The following COLGALT2 variants were observed in gnomAD, a reference collection of about 807,000 sequenced individuals.
COLGALT2 encodes the protein collagen beta(1-O)galactosyltransferase 2.
COLGALT2 carries 49 observed loss-of-function variants against 73.4 expected under a neutral mutation model. The observed-to-expected ratio is 0.67, with a 90% CI of 0.53 to 0.85. The LOEUF (loss-of-function observed/expected upper bound fraction) is 0.85. COLGALT2 is among the 40% of genes least tolerant of loss of function. COLGALT2 has a pLI of 0.00. For missense variants in COLGALT2, 722 were observed against 790.2 expected, an observed-to-expected ratio of 0.91 and a Z score of 1.03; for synonymous variants, 295 against 307.6, an observed-to-expected ratio of 0.96 and a Z score of 0.43.
intron 6 of COLGALT2, among the ~76,000 whole-genome samples, chr1:183,960,141 C>T (rs1480934108): frequency 6.6e-6 from 1 of 152,178 alleles, no homozygotes; most frequent in Non-Finnish European, 1.5e-5. Flanking sequence ...ATTATCTCTT[C>T]TAACACCTTC....
At chr1:183,940,940 T>TC (rs914469106) in intron 10 of COLGALT2, among the ~76,000 whole-genome samples, 153 bp from the exon 11 acceptor site, 26 of 152,320 alleles carry the variant, frequency 1.7e-4, no homozygotes, top group African/African-American at 6.3e-4. Context: ...GTGGATCCAA[T>TC]CGCCAGTCAG....
rs116893177 is a variant in COLGALT2, at chr1:183,959,462, T to C, written c.952+4439A>G. Among the ~76,000 whole-genome samples, 67 of 152,292 alleles carry C rather than the reference T, an allele frequency of 4.4e-4. No homozygotes were observed. In the East Asian group the frequency reaches 0.012, roughly 27 times the overall value. On this transcript the variant is annotated intron_variant, in intron 6 of 11. Coordinates refer to ENST00000361927, the MANE Select transcript of COLGALT2 (RefSeq NM_015101.4). ...CTTTCCCATCTCAGTAAATGGCATA[T>C]CAGGCTAAAATCTTGGACTCATCTT...
Position 184,037,129 on chromosome 1 carries a change from G to A in COLGALT2, c.229C>T (p.Arg77Trp). 1 of 1,597,378 alleles carries A rather than the reference G, an allele frequency of 6.3e-7. No individual in the cohort carries two copies. Among genetic ancestry groups the A allele is most frequent in the Non-Finnish European group, 8.5e-7 (1 of 1,174,028 alleles). The change falls in exon 1 of 12, where the codon CGG becomes TGG. Residue 77 changes from arginine to tryptophan, a missense_variant. Coordinates refer to ENST00000361927, the MANE Select transcript of COLGALT2 (RefSeq NM_015101.4). ...ATCCTGCTCTTGGGGTAGTCCAGCC[G>A]CTCCAGGCAGCCGAGGAAGTGCGGC... is the stretch of plus-strand genomic sequence containing the variant. ...TLPHFLGCLE[R>W]LDYPKSRMAI...
At chr1:183,986,238 G>A (rs1671486399) in intron 1 of COLGALT2, among the ~76,000 whole-genome samples, 1 of 152,182 alleles carries the variant, frequency 6.6e-6, no homozygotes, top group Admixed American at 6.5e-5. Flanking sequence ...ATGGATTGGG[G>A]GTCTGGGGAT....
rs768723437 is a variant in COLGALT2, at chr1:183,951,138, A to G, written c.1030-25T>C. 3.9e-6 allele frequency: 6 copies of G among 1,533,846 alleles called. No homozygotes were observed. In the South Asian group the frequency reaches 6.7e-5, roughly 17 times the overall value. ...TCTAATGCAAGAAGGAAAAGGGAAA[A>G]GACACATAAATTACTCAAGTCTTCT... On this transcript the variant is annotated intron_variant, in intron 7 of 11. Coordinates refer to ENST00000361927, the MANE Select transcript of COLGALT2 (RefSeq NM_015101.4).
chr1:184,017,043 A>T (rs1649023094), intron 1 of COLGALT2, among the ~76,000 whole-genome samples: 2 of 152,218 alleles, frequency 1.3e-5, no homozygotes, highest in Admixed American at 1.3e-4. Flanking sequence ...TTTCAAATGG[A>T]ACCGCCAAAC....
chr1:183,940,883 T>C, intron 10 of COLGALT2, 96 bp from the exon 11 acceptor site: 1 of 1,033,632 alleles, frequency 9.7e-7, no homozygotes, highest in South Asian at 1.3e-5. Flanking sequence ...ACCTCTGAAA[T>C]CCTGGACTGA....
At chr1:183,961,387 A>T (rs961733178) in intron 6 of COLGALT2, among the ~76,000 whole-genome samples, 1 of 96,194 alleles carries the variant, frequency 1.0e-5, no homozygotes, top group Admixed American at 1.1e-4. Flanking sequence ...GGAGAAAACA[A>T]GAGAACATAA....
chr1:183,936,099 C>T lies in COLGALT2; in HGVS notation c.*2662G>A, dbSNP rs1425429163. Reference sequence around the variant, plus strand: ...ACGGTTGTCTGTCCAGAAGATCCCACGTTAGATCCCAAGAGAAATCCAGAC... The same window carrying T: ...ACGGTTGTCTGTCCAGAAGATCCCATGTTAGATCCCAAGAGAAATCCAGAC... On this transcript the variant is annotated 3_prime_UTR_variant, in exon 12 of 12. Coordinates refer to ENST00000361927, the MANE Select transcript of COLGALT2 (RefSeq NM_015101.4). The T allele has an allele frequency of 1.5e-5, 15 of 985,508 alleles. No individual in the cohort carries two copies. The South Asian group carries it at 2.3e-4, about 15-fold the overall frequency. The allele number at this position is 985,508 out of a possible 1,614,324, so 61.0% of individuals were successfully genotyped here.
At chr1:184,005,267 C>T (rs1672041495) in intron 1 of COLGALT2, among the ~76,000 whole-genome samples, 2 of 152,230 alleles carry the variant, frequency 1.3e-5, no homozygotes, top group African/African-American at 4.8e-5. Flanking sequence ...CCTCAGAAAG[C>T]TTGGCTTTCT....
chr1:183,951,006 C>T lies in COLGALT2; in HGVS notation c.1136+1G>A. ...GCAATGGGAGAAGAAACCCAACTCA[C>T]TTTCCATCCACAGCCTCGACAATCT... is the stretch of plus-strand genomic sequence containing the variant. On this transcript the variant is annotated splice_donor_variant, in intron 8 of 11. Transcript: ENST00000361927. LOFTEE classifies it high-confidence loss of function. The T allele has an allele frequency of 6.2e-7, 1 of 1,610,528 alleles. No homozygotes were observed. Among genetic ancestry groups the T allele is most frequent in the South Asian group, 1.1e-5 (1 of 90,926 alleles).
intron 9 of COLGALT2, among the ~76,000 whole-genome samples, chr1:183,944,763 T>G (rs533466602): frequency 1.3e-5 from 2 of 152,334 alleles, no homozygotes; most frequent in Non-Finnish European, 1.5e-5. Context: ...TTGTTTGGTT[T>G]GTGAAATTTC....
In COLGALT2 at chr1:183,930,371, G is replaced by C. The variant is rs185904963; in HGVS notation, c.1605-82C>G. 3,412 of 444,266 alleles carry C rather than the reference G, an allele frequency of 7.7e-3. 68 individuals carry two copies. The highest frequency in any genetic ancestry group is 0.057 in the Admixed American group (2,260 of 39,876). The allele number at this position is 444,266 out of a possible 1,614,324, so 27.5% of individuals were successfully genotyped here. A position where few individuals can be genotyped will look rare whatever the true frequency, so the allele number is the denominator to read the frequency against. On this transcript the variant is annotated intron_variant, in intron 11 of 11. Transcript: ENST00000649786. ...AGAAAGAACAATTTAATTTTGTCTA[G>C]AACTAGCCTTGATCTTATTTTTTAA... is the stretch of plus-strand genomic sequence containing the variant.
chr1:183,973,421 T>C (rs1266328577), intron 4 of COLGALT2, among the ~76,000 whole-genome samples, 195 bp downstream of exon 4: 1 of 152,140 alleles, frequency 6.6e-6, no homozygotes, highest in Non-Finnish European at 1.5e-5. Context: ...TCATAATAAA[T>C]TAACACAGAA....
intron 2 of COLGALT2, among the ~76,000 whole-genome samples, chr1:183,977,839 A>AGAGAGAGAGAG (rs59696449): frequency 6.8e-6 from 1 of 147,154 alleles, no homozygotes; most frequent in African/African-American, 2.6e-5. Flanking sequence ...AGAGAGAAAG[A>AGAGAGAGAGAG]AGAGAAGAGA....
At chr1:183,986,068 C>T (rs1456492260) in intron 1 of COLGALT2, among the ~76,000 whole-genome samples, 1 of 152,170 alleles carries the variant, frequency 6.6e-6, no homozygotes, top group Non-Finnish European at 1.5e-5. Context: ...AGGAAAGCCT[C>T]CCCAGCAGCA....
At chr1:183,945,820 T>G in intron 8 of COLGALT2, 2 of 495,892 alleles carry the variant, frequency 4.0e-6, no homozygotes, top group Non-Finnish European at 7.1e-6. Context: ...ATCAGTTTTT[T>G]GACAAGATTT....
chr1:183,988,542 C>T (rs1014198172), intron 1 of COLGALT2, among the ~76,000 whole-genome samples: 1 of 152,182 alleles, frequency 6.6e-6, no homozygotes. Context: ...CTTTCTGTCC[C>T]TATGGATTTG....
At chr1:183,977,194 G>A (rs1292911401) in intron 2 of COLGALT2, among the ~76,000 whole-genome samples, 9 of 152,064 alleles carry the variant, frequency 5.9e-5, no homozygotes, top group Admixed American at 2.6e-4. Flanking sequence ...TATGGTGGCC[G>A]GGCACGGTGG....
Sources: gnomAD v4.1 joint callset for allele counts (sites outside exome capture counted in the v4.1 genomes callset) on GRCh38, gnomAD v4.1.1 for gene constraint, MANE v1.5 for transcripts, NCBI Gene and HGNC (gene_info 2026-07-23, HGNC 2026-07-21) for gene names.